RPS6KA5: variants seen among roughly 807,000 people sequenced by gnomAD.
RPS6KA5 encodes ribosomal protein S6 kinase alpha-5.
In RPS6KA5, 27 loss-of-function variants were observed where a neutral mutation model predicts 85.5. The ratio of observed to expected loss-of-function variants is 0.32; its 90% CI spans 0.23 to 0.44. RPS6KA5 has a LOEUF of 0.44. Among genes scored for constraint, RPS6KA5 ranks in the 20% least tolerant of loss-of-function variants. The pLI, the probability that RPS6KA5 is intolerant of heterozygous loss-of-function variation, is 1.00. For synonymous variants in RPS6KA5, 334 were observed against 348.2 expected, an observed-to-expected ratio of 0.96 and a Z score of 0.46; for missense variants, 811 against 980.9, an observed-to-expected ratio of 0.83 and a Z score of 2.31.
chr14:91,050,263 C>T (rs1193381158), intron 1 of RPS6KA5, among the ~76,000 whole-genome samples: 1 of 152,116 alleles, frequency 6.6e-6, no homozygotes, highest in Non-Finnish European at 1.5e-5. Flanking sequence ...TGCCTACAGT[C>T]CTAGCTACTT....
intron 5 of RPS6KA5, among the ~76,000 whole-genome samples, chr14:90,932,573 T>C (rs949461464): frequency 2.7e-4 from 41 of 152,222 alleles, no homozygotes; most frequent in Non-Finnish European, 5.0e-4. Context: ...AAAACCTCGA[T>C]GTGTCCACTC....
At chr14:90,959,778 A>G (rs981656487) in intron 3 of RPS6KA5, among the ~76,000 whole-genome samples, 3 of 152,222 alleles carry the variant, frequency 2.0e-5, no homozygotes, top group East Asian at 1.9e-4. Context: ...GTAGGCCTAC[A>G]TGCATTCTTC....
intron 1 of RPS6KA5, among the ~76,000 whole-genome samples, chr14:91,033,581 A>G (rs1595519284): frequency 2.0e-5 from 3 of 152,330 alleles, no homozygotes; most frequent in Middle Eastern, 6.8e-3. Context: ...CAGCCTGGGC[A>G]ACAGAGCAAG....
chr14:91,060,505 C>T lies in RPS6KA5; in HGVS notation c.-71G>A. The T allele has an allele frequency of 7.9e-7, 1 of 1,259,894 alleles. No homozygotes were observed. The allele number at this position is 1,259,894 out of a possible 1,614,324, so 78.0% of individuals were successfully genotyped here. A position where few individuals can be genotyped will look rare whatever the true frequency, so the allele number is the denominator to read the frequency against. Reference sequence around the variant, plus strand: ...AGGAGACAGCGGACGCCCGTCCCCTCGCAGCCGCTGCCGCGGCCCCAGGAG... The same window carrying T: ...AGGAGACAGCGGACGCCCGTCCCCTTGCAGCCGCTGCCGCGGCCCCAGGAG... On this transcript the variant is annotated 5_prime_UTR_variant, in exon 1 of 17. Transcript: ENST00000614987.
intron 1 of RPS6KA5, among the ~76,000 whole-genome samples, chr14:91,001,693 T>A (rs190260465): frequency 6.6e-6 from 1 of 152,218 alleles, no homozygotes; most frequent in Admixed American, 6.5e-5. Context: ...TTGGTCTCAA[T>A]GAACTCTAGG....
chr14:90,937,465 T>G (rs1023686210), intron 5 of RPS6KA5, among the ~76,000 whole-genome samples: 1 of 151,988 alleles, frequency 6.6e-6, no homozygotes, highest in Non-Finnish European at 1.5e-5. Context: ...AATTTTAAGA[T>G]GGAAAGACTA....
intron 2 of RPS6KA5, among the ~76,000 whole-genome samples, chr14:91,000,685 C>T (rs548462274): frequency 1.1e-4 from 16 of 152,136 alleles, no homozygotes; most frequent in African/African-American, 3.9e-4. Context: ...GCCTGTAATC[C>T]CAGCTACTCA....
At chr14:90,894,687 C>A (rs1243772266) in intron 12 of RPS6KA5, 104 bp from the exon 13 acceptor site, 6 of 1,291,768 alleles carry the variant, frequency 4.6e-6, no homozygotes, top group Non-Finnish European at 6.2e-6. Context: ...TTTAAATAAT[C>A]CCCTGTTAAA....
chr14:90,924,642 A>G (rs2140301374), intron 5 of RPS6KA5, among the ~76,000 whole-genome samples: 1 of 152,346 alleles, frequency 6.6e-6, no homozygotes, highest in South Asian at 2.1e-4. Context: ...AAAAAATGTG[A>G]ATGAAAATTT....
chr14:90,972,517 T>C (rs1436083752), intron 3 of RPS6KA5, among the ~76,000 whole-genome samples: 2 of 152,340 alleles, frequency 1.3e-5, no homozygotes, highest in East Asian at 3.8e-4. Flanking sequence ...AAATGTGGAC[T>C]TTTAACTAAA....
At chr14:91,058,252 T>C (rs2043404957) in intron 1 of RPS6KA5, among the ~76,000 whole-genome samples, 2 of 152,374 alleles carry the variant, frequency 1.3e-5, no homozygotes, top group East Asian at 3.9e-4. Flanking sequence ...CCTTTGACAG[T>C]TAACAGTACT....
At chr14:91,060,125 G>A in intron 1 of RPS6KA5, 1 of 985,178 alleles carries the variant, frequency 1.0e-6, no homozygotes, top group Non-Finnish European at 1.2e-6. Context: ...TTCCCGGGCT[G>A]GGGAAAACTT....
intron 1 of RPS6KA5, among the ~76,000 whole-genome samples, chr14:91,029,269 T>A (rs557949570): frequency 6.6e-6 from 1 of 152,204 alleles, no homozygotes; most frequent in South Asian, 2.1e-4. Flanking sequence ...TTCTAAAACT[T>A]TTTAAAAATG....
intron 12 of RPS6KA5, among the ~76,000 whole-genome samples, chr14:90,896,954 C>T (rs1184116791): frequency 6.6e-6 from 1 of 152,146 alleles, no homozygotes; most frequent in Non-Finnish European, 1.5e-5. Context: ...AACTCCTGAC[C>T]TCAAGTGATC....
chr14:90,980,506 G>A (rs1049814129), intron 2 of RPS6KA5, among the ~76,000 whole-genome samples: 3 of 152,164 alleles, frequency 2.0e-5, no homozygotes, highest in South Asian at 2.1e-4. Context: ...CTGGGTGTTC[G>A]AACCTAACAT....
chr14:90,925,858 C>T (rs188644621), intron 5 of RPS6KA5, among the ~76,000 whole-genome samples: 118 of 147,058 alleles, frequency 8.0e-4, no homozygotes, highest in African/African-American at 2.9e-3. Flanking sequence ...AGAGGAATCA[C>T]CTGAGAGCAG....
intron 3 of RPS6KA5, among the ~76,000 whole-genome samples, chr14:90,960,978 G>T (rs533574161): frequency 6.6e-6 from 1 of 152,302 alleles, no homozygotes; most frequent in African/African-American, 2.4e-5. Flanking sequence ...GGCTACTGAC[G>T]TTTGTACGGA....
intron 1 of RPS6KA5, chr14:91,052,463 C>T: frequency 2.5e-5 from 2 of 81,314 alleles, no homozygotes; most frequent in Non-Finnish European, 4.2e-5. Context: ...AGACTCGTCT[C>T]TTAAAAAAAA....
chr14:91,049,759 A>G (rs2042998808), intron 1 of RPS6KA5, among the ~76,000 whole-genome samples: 2 of 152,264 alleles, frequency 1.3e-5, no homozygotes, highest in Non-Finnish European at 2.9e-5. Flanking sequence ...CACAAACACC[A>G]TAGAGTTTAC....
Sources: allele counts gnomAD v4.1 joint callset (sites outside exome capture counted in the v4.1 genomes callset), GRCh38; gene constraint gnomAD v4.1.1; transcripts MANE v1.5; gene names NCBI Gene and HGNC (gene_info 2026-07-23, HGNC 2026-07-21).